The following SDK2 variants were observed in gnomAD, a reference collection of about 807,000 sequenced individuals.
The protein encoded by SDK2 is sidekick cell adhesion molecule 2.
SDK2 carries 105 observed loss-of-function variants against 253.9 expected under a neutral mutation model. That is an observed-to-expected ratio of 0.41 (90% CI 0.35 to 0.49). The LOEUF (loss-of-function observed/expected upper bound fraction) is 0.49, where lower values mean the gene tolerates loss of function less well. SDK2 is among the 20% of genes least tolerant of loss of function. The pLI, the probability that SDK2 is intolerant of heterozygous loss-of-function variation, is 0.06. For missense variants in SDK2, 2,608 were observed against 3,003.0 expected (o/e 0.87, Z 3.07); for synonymous variants, 1,249 against 1,234.9 (o/e 1.01, Z -0.24).
At chr17:73,380,623 T>C (rs1429706554) in intron 34 of SDK2, among the ~76,000 whole-genome samples, 1 of 152,234 alleles carries the variant, frequency 6.6e-6, no homozygotes, top group Non-Finnish European at 1.5e-5. Context: ...CCGCTGTCAC[T>C]GTCCCCCGAC....
intron 27 of SDK2, among the ~76,000 whole-genome samples, chr17:73,392,542 T>C (rs1568379422): frequency 1.3e-5 from 2 of 152,200 alleles, no homozygotes; most frequent in South Asian, 4.1e-4. Flanking sequence ...GTGCTAGGAT[T>C]ACAGGCGTGA....
rs368384234 is a variant in SDK2 at position 73,443,664 on chromosome 17, G to A, written c.614-2741C>T. The stretch of plus-strand genomic sequence containing the variant: ...GCCCAGGTGGCAGCCTGCAGGGCTC[G>A]ATGGGGGCTGAGGTGGCCAGGGATG... On this transcript the variant is annotated intron_variant, in intron 5 of 44. Coordinates refer to ENST00000392650, the MANE Select transcript of SDK2 (RefSeq NM_001144952.2). The surrounding 1 kb of genome is among the most constrained non-coding windows in gnomAD (Gnocchi z 4.6). 5.9e-5 allele frequency among the ~76,000 whole-genome samples: 9 copies of A among 152,222 alleles called. No homozygotes were observed. Among genetic ancestry groups the A allele is most frequent in the Non-Finnish European group, 1.2e-4 (8 of 68,034 alleles).
intron 1 of SDK2, among the ~76,000 whole-genome samples, chr17:73,579,441 G>A (rs947197205): frequency 5.3e-5 from 8 of 152,198 alleles, no homozygotes; most frequent in African/African-American, 1.4e-4. Context: ...CAGGCTTCTC[G>A]CACGGTGCTC....
intron 1 of SDK2, among the ~76,000 whole-genome samples, chr17:73,598,102 C>T (rs1445110290): frequency 1.4e-5 from 2 of 145,410 alleles, no homozygotes; most frequent in Admixed American, 1.4e-4. Context: ...AGAACTTTTC[C>T]ATCCCATCTC....
intron 1 of SDK2, among the ~76,000 whole-genome samples, chr17:73,598,057 C>G (rs773088172): frequency 6.6e-6 from 1 of 152,152 alleles, no homozygotes; most frequent in Non-Finnish European, 1.5e-5. Flanking sequence ...ACATAGCCAG[C>G]TGGTGTCCGA....
Position 73,643,971 on chromosome 17 carries a change from C to A in SDK2, c.64+54G>T. 1 of 1,015,082 alleles carries A rather than the reference C, an allele frequency of 9.9e-7. No individual in the cohort carries two copies. The highest frequency in any genetic ancestry group is 1.5e-6 in the Non-Finnish European group (1 of 670,444). The allele number at this position is 1,015,082 out of a possible 1,614,324, so 62.9% of individuals were successfully genotyped here. ...GGCCGGCCAGCTCCCGCCGCCCCTC[C>A]CCCGCCCACTCTCCCAGCCCCCTCC... On this transcript the variant is annotated intron_variant, in intron 1 of 44. Transcript: ENST00000392650. This position sits in a 1 kb window ranked among gnomAD's most constrained non-coding sequence, Gnocchi z 6.9.
intron 1 of SDK2, among the ~76,000 whole-genome samples, chr17:73,567,756 G>A (rs948232358): frequency 6.6e-6 from 1 of 152,232 alleles, no homozygotes; most frequent in South Asian, 2.1e-4. Context: ...GCTGGGTTTC[G>A]GACTTGGGTA....
chr17:73,461,270 G>A (rs913865264), intron 3 of SDK2, among the ~76,000 whole-genome samples: 1 of 152,274 alleles, frequency 6.6e-6, no homozygotes, highest in Non-Finnish European at 1.5e-5. Flanking sequence ...CTGTGGGCCA[G>A]GTAGGCTCTG....
chr17:73,637,595 T>C (rs1195502373), intron 1 of SDK2, among the ~76,000 whole-genome samples: 49 of 152,326 alleles, frequency 3.2e-4, no homozygotes, highest in Non-Finnish European at 8.8e-5. Context: ...GCCAAGCTGG[T>C]CTCAAACTCC....
At chr17:73,451,013 G>A (rs2063486613) in intron 4 of SDK2, among the ~76,000 whole-genome samples, 1 of 152,254 alleles carries the variant, frequency 6.6e-6, no homozygotes, top group African/African-American at 2.4e-5. Flanking sequence ...GACAGACTTT[G>A]CATCTCTGCT....
At chr17:73,626,838 A>C (rs1202723933) in intron 1 of SDK2, among the ~76,000 whole-genome samples, 4 of 152,110 alleles carry the variant, frequency 2.6e-5, no homozygotes, top group South Asian at 2.1e-4. Flanking sequence ...TGGACCCCAG[A>C]GGGTTTCCTG....
intron 2 of SDK2, among the ~76,000 whole-genome samples, chr17:73,498,715 A>G (rs776015601): frequency 6.6e-6 from 1 of 152,190 alleles, no homozygotes; most frequent in Non-Finnish European, 1.5e-5. Flanking sequence ...AGAAGAACCG[A>G]AGTAAAAGTC....
At chr17:73,560,887 G>A (rs2045222866) in intron 1 of SDK2, among the ~76,000 whole-genome samples, 1 of 152,158 alleles carries the variant, frequency 6.6e-6, no homozygotes, top group Non-Finnish European at 1.5e-5. Context: ...GTGGCGTCTG[G>A]GCCAGCAAGG....
Position 73,354,374 on chromosome 17 carries a change from C to T in SDK2, c.5594-1737G>A, listed in dbSNP as rs377200098. ...TCACCTTCATGCTGTTCAGTCAGAG[C>T]GGTGCGGGTGCTGCCTGGGTCAGGG... On this transcript the variant is annotated intron_variant, in intron 40 of 44. Transcript: ENST00000392650. Among the ~76,000 whole-genome samples the T allele has an allele frequency of 4.3e-4, 66 of 152,294 alleles. No homozygotes were observed. The South Asian group carries it at 0.011, about 26-fold the overall frequency.
At chr17:73,385,746 T>A in intron 32 of SDK2, 101 bp downstream of exon 32, 1 of 1,100,462 alleles carries the variant, frequency 9.1e-7, no homozygotes, top group Non-Finnish European at 1.4e-6. Flanking sequence ...GGCAGAGAAC[T>A]TGGGGGCTCC....
rs2062635474 is a variant in SDK2, at chr17:73,361,040, T to C, written c.5467+644A>G. Among the ~76,000 whole-genome samples, 1 of 144,104 alleles carries C rather than the reference T, an allele frequency of 6.9e-6. No individual in the cohort carries two copies. Among genetic ancestry groups the C allele is most frequent in the African/African-American group, 2.6e-5 (1 of 38,762 alleles). 94.5% of individuals were successfully genotyped at this position (144,104 alleles called of 152,430 possible). On this transcript the variant is annotated intron_variant, in intron 39 of 44. Coordinates refer to ENST00000392650, the MANE Select transcript of SDK2 (RefSeq NM_001144952.2). The surrounding 1 kb of genome is among the most constrained non-coding windows in gnomAD (Gnocchi z 4.1). ...CGGGCAGTTACACACAAAAGGGCGT[T>C]CTGCGGAGGGGGTGGGTGGTGAGGT... is the stretch of plus-strand genomic sequence containing the variant.
chr17:73,587,650 C>A (rs1404889634), intron 1 of SDK2, among the ~76,000 whole-genome samples: 1 of 152,188 alleles, frequency 6.6e-6, no homozygotes, highest in Non-Finnish European at 1.5e-5. Context: ...CGCAGCCTCT[C>A]CTGACTCTTC....
intron 36 of SDK2, chr17:73,369,341 C>T (rs534036015): frequency 7.2e-6 from 2 of 276,282 alleles, no homozygotes; most frequent in Non-Finnish European, 1.5e-5. Context: ...TCAGGGCCAC[C>T]CCGGGCCCGC....
Position 73,367,866 on chromosome 17 carries a change from C to T in SDK2, c.5167+541G>A, listed in dbSNP as rs557027294. Among the ~76,000 whole-genome samples, 12 of 152,280 alleles carry T rather than the reference C, an allele frequency of 7.9e-5. No homozygotes were observed. The South Asian group carries it at 2.5e-3, about 32-fold the overall frequency. ...GGGAGGGCTTTGTGGGTGAGCCTAT[C>T]CAGAGCCATCCACCCACTCCTGCCT... On this transcript the variant is annotated intron_variant, in intron 37 of 44. Transcript: ENST00000392650.
Sources: gnomAD v4.1 joint callset for allele counts (sites outside exome capture counted in the v4.1 genomes callset) on GRCh38, gnomAD v4.1.1 for gene constraint, Gnocchi (gnomAD v3.1) non-coding constraint, MANE v1.5 for transcripts, NCBI Gene and HGNC (gene_info 2026-07-23, HGNC 2026-07-21) for gene names.